CSMD2: variants seen among roughly 807,000 people sequenced by gnomAD.
CSMD2 encodes CUB and sushi domain-containing protein 2.
Under a neutral mutation model 398.5 loss-of-function variants are expected in CSMD2, and 130 were observed. That is an observed-to-expected ratio of 0.33 (90% CI 0.28 to 0.38). The LOEUF is 0.38. Among genes scored for constraint, CSMD2 ranks in the 10% least tolerant of loss-of-function variants. The pLI is 1.00. For missense variants in CSMD2, 3,829 were observed against 4,764.9 expected (o/e 0.80, Z 5.78); for synonymous variants, 1,828 against 1,908.5 (o/e 0.96, Z 1.10).
At chr1:33,661,294 C>T (rs149634603) in intron 26 of CSMD2, among the ~76,000 whole-genome samples, 3,406 of 152,202 alleles carry the variant, frequency 0.022, 139 homozygotes, top group African/African-American at 0.072. Context: ...GAGAGTGGAT[C>T]GAGCCGTCTC....
At position 33,890,583 on chromosome 1, in the gene CSMD2, G is replaced by A. The variant is rs1171801219; in HGVS notation, c.920+27511C>T. On this transcript the variant is annotated intron_variant, in intron 5 of 70. Transcript: ENST00000373381. ...TGGGCTCTTTTTTTCAGCCCGCATC[G>A]CCAAGTCAATCCTAAGCCAAAAGAA... Among the ~76,000 whole-genome samples, 6 of 151,518 alleles carry A rather than the reference G, an allele frequency of 4.0e-5. No individual in the cohort carries two copies. The East Asian group carries it at 5.8e-4, about 15-fold the overall frequency.
At chr1:33,792,894 C>T (rs757628819) in intron 10 of CSMD2, among the ~76,000 whole-genome samples, 58 of 152,250 alleles carry the variant, frequency 3.8e-4, no homozygotes, top group Non-Finnish European at 7.1e-4. Flanking sequence ...TGTGGAATCT[C>T]AGCTCTCTTG....
At chr1:33,527,066 C>A (rs1654842072) in intron 65 of CSMD2, 130 bp downstream of exon 65, 2 of 853,986 alleles carry the variant, frequency 2.3e-6, no homozygotes, top group Middle Eastern at 2.9e-4. Flanking sequence ...GGAAAGCCAT[C>A]CAGATTTATA....
intron 3 of CSMD2, among the ~76,000 whole-genome samples, chr1:34,009,620 T>C (rs959895301): frequency 2.6e-5 from 4 of 151,952 alleles, no homozygotes; most frequent in African/African-American, 7.3e-5. Context: ...CCCTCCCCAC[T>C]GAAACTGCCT....
chr1:33,597,722 AT>A (rs1463427811), intron 44 of CSMD2, among the ~76,000 whole-genome samples: 1 of 152,262 alleles, frequency 6.6e-6, no homozygotes, highest in African/African-American at 2.4e-5. Context: ...ATATGTGGAT[AT>A]TTACAACCTC....
intron 10 of CSMD2, among the ~76,000 whole-genome samples, chr1:33,805,934 G>T (rs1050777086): frequency 1.3e-5 from 2 of 152,004 alleles, no homozygotes; most frequent in South Asian, 4.2e-4. Flanking sequence ...CTACATTAGT[G>T]TAATAAGGAA....
chr1:33,886,766 T>C (rs1177189679), intron 5 of CSMD2, among the ~76,000 whole-genome samples: 1 of 152,238 alleles, frequency 6.6e-6, no homozygotes, highest in Non-Finnish European at 1.5e-5. Flanking sequence ...AAGTCATTCC[T>C]AATTGCAGCA....
At chr1:33,915,153 G>T (rs369387315) in intron 5 of CSMD2, among the ~76,000 whole-genome samples, 4 of 152,146 alleles carry the variant, frequency 2.6e-5, no homozygotes, top group African/African-American at 9.7e-5. Flanking sequence ...GGTGAAGGGG[G>T]TGCCCAGTTG....
chr1:33,927,791 G>C (rs1257277595), intron 4 of CSMD2, among the ~76,000 whole-genome samples: 1 of 152,146 alleles, frequency 6.6e-6, no homozygotes, highest in African/African-American at 2.4e-5. Flanking sequence ...TTCTGCCTGG[G>C]GGCCTTTGTG....
intron 1 of CSMD2, among the ~76,000 whole-genome samples, chr1:34,161,315 T>C (rs1641308458): frequency 6.6e-6 from 1 of 152,178 alleles, no homozygotes; most frequent in African/African-American, 2.4e-5. Flanking sequence ...AATAGATGAA[T>C]TTCAGGAGAG....
At chr1:33,548,037 G>A (rs779960305) in intron 56 of CSMD2, among the ~76,000 whole-genome samples, 1 of 152,180 alleles carries the variant, frequency 6.6e-6, no homozygotes, top group Non-Finnish European at 1.5e-5. Flanking sequence ...TTGAAAGTGT[G>A]TTGCACTTTG....
At chr1:33,786,937 G>A (rs984590149) in intron 12 of CSMD2, among the ~76,000 whole-genome samples, 3 of 152,198 alleles carry the variant, frequency 2.0e-5, no homozygotes, top group Non-Finnish European at 2.9e-5. Flanking sequence ...CTGACTTCTG[G>A]TACTTATAAA....
At position 33,583,689 on chromosome 1, in the gene CSMD2, T is replaced by C. The variant is rs1638881327; in HGVS notation, c.7193A>G (p.Glu2398Gly). 3 of 1,614,176 alleles carry C rather than the reference T, an allele frequency of 1.9e-6. No homozygotes were observed. Among genetic ancestry groups the C allele is most frequent in the Non-Finnish European group, 2.5e-6 (3 of 1,180,026 alleles). The change falls in exon 47 of 71, where the codon GAG becomes GGG. Residue 2398 changes from glutamate (E) to glycine (G), a missense_variant. Transcript: ENST00000373381. Reference sequence around the variant, plus strand: ...ATATTGCTTCTCGCTGAGGAAGTACTCCACTGTGAGGGAGATGTTATAGTC... The same window carrying C: ...ATATTGCTTCTCGCTGAGGAAGTACCCCACTGTGAGGGAGATGTTATAGTC... ...EPDYNISLTVEYFLSEKQYDE... is the reference protein window; with the variant it reads ...EPDYNISLTVGYFLSEKQYDE...
chr1:33,822,631 A>G (rs2358511), intron 7 of CSMD2, among the ~76,000 whole-genome samples: 120,552 of 152,144 alleles, frequency 0.79, 48,758 homozygotes, highest in East Asian at 0.95. Context: ...CAGTCCAGAC[A>G]CCTCAGGCTG....
chr1:33,912,833 G>C (rs1468790658), intron 5 of CSMD2, among the ~76,000 whole-genome samples: 2 of 152,084 alleles, frequency 1.3e-5, no homozygotes, highest in Non-Finnish European at 2.9e-5. Flanking sequence ...TTTTTAGACA[G>C]AGTCTTTCTT....
At chr1:33,759,830 G>A (rs1317196831) in intron 13 of CSMD2, among the ~76,000 whole-genome samples, 2 of 151,974 alleles carry the variant, frequency 1.3e-5, no homozygotes, top group Non-Finnish European at 1.5e-5. Flanking sequence ...ATGAAAGATG[G>A]CACTATGGAT....
intron 3 of CSMD2, among the ~76,000 whole-genome samples, chr1:33,982,310 C>A (rs1225846268): frequency 6.6e-6 from 1 of 152,092 alleles, no homozygotes. Flanking sequence ...AGAAACAGAC[C>A]TTTGCAAAGG....
chr1:33,945,764 T>C (rs1644819493), intron 3 of CSMD2, among the ~76,000 whole-genome samples: 1 of 152,128 alleles, frequency 6.6e-6, no homozygotes, highest in South Asian at 2.1e-4. Context: ...TCCTGCGGCC[T>C]ATGTGAACCT....
At chr1:34,159,846 G>A (rs948389362) in intron 1 of CSMD2, among the ~76,000 whole-genome samples, 1 of 152,192 alleles carries the variant, frequency 6.6e-6, no homozygotes. Context: ...CTTCCTGGCT[G>A]ATTCCTTTGG....
Sources: allele counts gnomAD v4.1 joint callset (sites outside exome capture counted in the v4.1 genomes callset), GRCh38; gene constraint gnomAD v4.1.1; transcripts MANE v1.5; gene names NCBI Gene and HGNC (gene_info 2026-07-23, HGNC 2026-07-21).